CDK13: variants seen among roughly 807,000 people sequenced by gnomAD.
CDK13 encodes cyclin-dependent kinase 13.
Under a neutral mutation model 137.6 loss-of-function variants are expected in CDK13, and 40 were observed. That is an observed-to-expected ratio of 0.29 (90% confidence interval 0.23 to 0.38). The LOEUF is 0.38. CDK13 is among the 10% of genes least tolerant of loss of function. The pLI, the probability that CDK13 is intolerant of heterozygous loss-of-function variation, is 1.00. For missense variants in CDK13, 1,704 were observed against 1,951.8 expected (o/e 0.87, Z 2.39); for synonymous variants, 869 against 760.1 (o/e 1.14, Z -2.36).
intron 5 of CDK13, among the ~76,000 whole-genome samples, chr7:40,004,951 C>T (rs1002675476): frequency 6.6e-6 from 1 of 152,156 alleles, no homozygotes; most frequent in Admixed American, 6.5e-5. Context: ...GTGGATCACC[C>T]GACTGAGGTC....
intron 5 of CDK13, among the ~76,000 whole-genome samples, chr7:40,030,422 ATTTTTTTT>A (rs34922492): frequency 5.0e-4 from 33 of 66,010 alleles, no homozygotes; most frequent in Non-Finnish European, 9.3e-4. Flanking sequence ...GCAACCACTG[ATTTTTTTT>A]TTTTTTTTTT....
At chr7:40,001,318 C>T (rs1474840420) in intron 4 of CDK13, among the ~76,000 whole-genome samples, 1 of 151,718 alleles carries the variant, frequency 6.6e-6, no homozygotes, top group African/African-American at 2.4e-5. Flanking sequence ...ACCTCCACCT[C>T]CCGGGTTCAA....
At chr7:40,031,441 C>A (rs960073445) in intron 5 of CDK13, among the ~76,000 whole-genome samples, 2 of 151,860 alleles carry the variant, frequency 1.3e-5, no homozygotes, top group Admixed American at 6.6e-5. Flanking sequence ...AGATTTGCTT[C>A]AACCTAGGGG....
intron 9 of CDK13, among the ~76,000 whole-genome samples, chr7:40,075,801 G>A (rs1786533179): frequency 6.6e-6 from 1 of 152,066 alleles, no homozygotes; most frequent in African/African-American, 2.4e-5. Context: ...TTGAAGCCAG[G>A]CGTTCAAGAC....
chr7:40,013,263 G>A (rs1784934324), intron 5 of CDK13, among the ~76,000 whole-genome samples: 1 of 152,126 alleles, frequency 6.6e-6, no homozygotes, highest in Non-Finnish European at 1.5e-5. Context: ...AAGAGAGAGA[G>A]GAATGGGGAG....
At chr7:39,970,075 G>A (rs568888830) in intron 1 of CDK13, among the ~76,000 whole-genome samples, 48 of 148,836 alleles carry the variant, frequency 3.2e-4, no homozygotes, top group Non-Finnish European at 5.9e-4. Flanking sequence ...CATGTTCTCA[G>A]CTCACTGCAA....
chr7:40,082,581 A>G (rs1786690334), intron 11 of CDK13, among the ~76,000 whole-genome samples: 1 of 150,764 alleles, frequency 6.6e-6, no homozygotes, highest in Non-Finnish European at 1.5e-5. Context: ...ACTTGATGCC[A>G]GCAGTTTGAG....
Position 39,950,839 on chromosome 7 carries a change from G to GGCCGCC in CDK13, c.204_209dup (p.Ala75_Ala76dup). On this transcript the variant is annotated inframe_insertion, in exon 1 of 14. Coordinates refer to ENST00000181839, the MANE Select transcript of CDK13 (RefSeq NM_003718.5). ...TGCTCTTCCTGGCTGCTCCCGGCAC[G>GGCCGCC]GCCGCCGCCGCAGCCGCCGCCGCCG... 7.2e-7 allele frequency: 1 copy of GGCCGCC among 1,381,594 alleles called. No homozygotes were observed. The highest frequency in any genetic ancestry group is 9.3e-7 in the Non-Finnish European group (1 of 1,078,202). The allele number at this position is 1,381,594 out of a possible 1,614,324, so 85.6% of individuals were successfully genotyped here. A position where few individuals can be genotyped will look rare whatever the true frequency, so the allele number is the denominator to read the frequency against.
At chr7:39,952,564 A>G (rs1403501662) in intron 1 of CDK13, 1 of 152,210 alleles carries the variant, frequency 6.6e-6, no homozygotes, top group Non-Finnish European at 1.5e-5. Context: ...TTGGTTTGTG[A>G]TGACACCCAG....
intron 9 of CDK13, among the ~76,000 whole-genome samples, chr7:40,074,414 G>A (rs965135695): frequency 6.6e-6 from 1 of 151,616 alleles, no homozygotes; most frequent in African/African-American, 2.4e-5. Context: ...TCCCAGCTAC[G>A]TGGGAGGCTG....
intron 7 of CDK13, among the ~76,000 whole-genome samples, chr7:40,052,627 C>T (rs1785917596): frequency 6.6e-6 from 1 of 152,118 alleles, no homozygotes; most frequent in African/African-American, 2.4e-5. Flanking sequence ...CTCACTAATA[C>T]CACCCTCCCA....
Position 40,017,838 on chromosome 7 carries a change from A to G in CDK13, c.2353+15807A>G, listed in dbSNP as rs762607655. 4.5e-4 allele frequency among the ~76,000 whole-genome samples: 69 copies of G among 151,900 alleles called. 1 individual carries two copies. Among genetic ancestry groups the G allele is most frequent in the Admixed American group, 9.8e-4 (15 of 15,270 alleles). ...TTTATATTAAAAAAAATTCTATTATAGTTTGAAAAAGTATTCAGGTATCTT... is the reference window on the plus strand; with the variant it reads ...TTTATATTAAAAAAAATTCTATTATGGTTTGAAAAAGTATTCAGGTATCTT... On this transcript the variant is annotated intron_variant, in intron 5 of 13. Coordinates refer to ENST00000181839, the MANE Select transcript of CDK13 (RefSeq NM_003718.5).
intron 1 of CDK13, 195 bp downstream of exon 1, chr7:39,952,047 A>G: frequency 2.3e-6 from 1 of 440,952 alleles, no homozygotes; most frequent in Non-Finnish European, 3.8e-6. Flanking sequence ...GGGACAAAGC[A>G]ACTGGGCGAA....
At chr7:40,041,522 G>C (rs1785604874) in intron 5 of CDK13, among the ~76,000 whole-genome samples, 1 of 151,980 alleles carries the variant, frequency 6.6e-6, no homozygotes, top group African/African-American at 2.4e-5. Context: ...AATTCTCAAA[G>C]TCATACCAGA....
chr7:39,959,540 C>T (rs1038645429), intron 1 of CDK13, among the ~76,000 whole-genome samples: 2 of 151,810 alleles, frequency 1.3e-5, no homozygotes, highest in Non-Finnish European at 2.9e-5. Flanking sequence ...ACCATCTGCT[C>T]ACTGCAACCT....
intron 5 of CDK13, among the ~76,000 whole-genome samples, chr7:40,042,716 G>A (rs574918053): frequency 1.3e-5 from 2 of 150,468 alleles, no homozygotes; most frequent in East Asian, 3.9e-4. Context: ...ACGGCCTCAA[G>A]CGATCCACCC....
At chr7:40,012,737 C>T (rs974384601) in intron 5 of CDK13, among the ~76,000 whole-genome samples, 1 of 151,974 alleles carries the variant, frequency 6.6e-6, no homozygotes, top group African/African-American at 2.4e-5. Flanking sequence ...AATGGTGCAA[C>T]CCCGTCTCTA....
intron 5 of CDK13, among the ~76,000 whole-genome samples, chr7:40,031,828 G>GTTGTTGTTA (rs1279341093): frequency 2.9e-5 from 4 of 139,108 alleles, no homozygotes; most frequent in African/African-American, 7.9e-5. Context: ...TATTATTATT[G>GTTGTTGTTA]TTATTATTAT....
Position 39,951,794 on chromosome 7 carries a change from A to T in CDK13, c.1153A>T (p.Ser385Cys). The T allele has an allele frequency of 6.8e-7, 1 of 1,468,198 alleles. No homozygotes were observed. Among genetic ancestry groups the T allele is most frequent in the Non-Finnish European group, 8.9e-7 (1 of 1,121,646 alleles). 90.9% of individuals were successfully genotyped at this position (1,468,198 alleles called of 1,614,324 possible). The change falls in exon 1 of 14, where the codon AGT becomes TGT. Residue 385 changes from serine to cysteine, a missense_variant. By Grantham distance (112) the Ser-to-Cys change is moderately radical. This residue lies in a region of CDK13 where 1,051 missense variants were observed against 931.0 expected (regional missense o/e 1.13). Coordinates refer to ENST00000181839, the MANE Select transcript of CDK13 (RefSeq NM_003718.5). ...CGAGCGGGGCGGCGACGTGTCCCCTAGTCCCTACAGCAGCAGCAGCTGGCG... is the reference window on the plus strand; with the variant it reads ...CGAGCGGGGCGGCGACGTGTCCCCTTGTCCCTACAGCAGCAGCAGCTGGCG... The part of the protein sequence containing the change: ...SYERGGDVSP[S>C]PYSSSSWRRS...
Sources: allele counts gnomAD v4.1 joint callset (sites outside exome capture counted in the v4.1 genomes callset), GRCh38; gene constraint gnomAD v4.1.1; regional missense constraint gnomAD v4.1.1; transcripts MANE v1.5; gene names NCBI Gene and HGNC (gene_info 2026-07-23, HGNC 2026-07-21).